The following PDXK variants were observed in gnomAD, a reference collection of about 807,000 sequenced individuals.
PDXK encodes epididymis secretory sperm binding protein Li 1a.
A neutral mutation model predicts 43.2 loss-of-function variants in PDXK; 15 were observed. The observed-to-expected ratio is 0.35, with a 90% CI of 0.23 to 0.53. The LOEUF is 0.53. PDXK is among the 20% of genes least tolerant of loss of function. The pLI is 0.92. For synonymous variants in PDXK, 172 were observed against 165.4 expected (o/e 1.04, Z -0.31); for missense variants, 343 against 417.0 (o/e 0.82, Z 1.54).
At chr21:43,747,774 C>A (rs2083663616) in intron 5 of PDXK, among the ~76,000 whole-genome samples, 1 of 152,244 alleles carries the variant, frequency 6.6e-6, no homozygotes, top group Non-Finnish European at 1.5e-5. Flanking sequence ...TTTTCCTGAA[C>A]AAGAGTGGCC....
intron 2 of PDXK, among the ~76,000 whole-genome samples, chr21:43,739,689 G>T (rs1471899080): frequency 6.6e-6 from 1 of 151,716 alleles, no homozygotes; most frequent in Non-Finnish European, 1.5e-5. Flanking sequence ...ATGACCTCCT[G>T]CCAGGTCCCT....
Position 43,734,227 on chromosome 21 carries a change from G to C in PDXK, c.142+104G>C. On this transcript the variant is annotated intron_variant, in intron 2 of 10. Coordinates refer to ENST00000291565, the MANE Select transcript of PDXK (RefSeq NM_003681.5). The surrounding 1 kb of genome is among the most constrained non-coding windows in gnomAD (Gnocchi z 5.0). ...GGGGCGGAGTGTGGGTGTGAGGGAC[G>C]GGGCTTTCGTGTGGACGGGGACCTG... The C allele has an allele frequency of 3.7e-6, 4 of 1,095,142 alleles. No homozygotes were observed. The South Asian group carries it at 5.0e-5, about 14-fold the overall frequency. The allele number at this position is 1,095,142 out of a possible 1,614,324, so 67.8% of individuals were successfully genotyped here.
intron 1 of PDXK, among the ~76,000 whole-genome samples, chr21:43,727,209 G>A (rs1226553992): frequency 6.6e-6 from 1 of 152,228 alleles, no homozygotes; most frequent in South Asian, 2.1e-4. Flanking sequence ...CCCACACAGA[G>A]CTTTTGAAAT....
intron 2 of PDXK, 44 bp from the exon 3 acceptor site, chr21:43,741,623 T>G (rs373508787): frequency 1.3e-6 from 2 of 1,597,470 alleles, no homozygotes; most frequent in Non-Finnish European, 1.7e-6. Context: ...CGGCCCCAGC[T>G]GGCCCCCTTG....
Position 43,734,132 on chromosome 21 carries a change from T to C in PDXK, c.142+9T>C. 6.2e-7 allele frequency: 1 copy of C among 1,613,396 alleles called. No individual in the cohort carries two copies. The highest frequency in any genetic ancestry group is 8.5e-7 in the Non-Finnish European group (1 of 1,179,448). ...GTTTTCAAACCACACAGGTAAGGCG[T>C]TGGCTCCAGCAGCTGGCATAGAGCA... On this transcript the variant is annotated intron_variant, in intron 2 of 10. Coordinates refer to ENST00000291565, the MANE Select transcript of PDXK (RefSeq NM_003681.5). This position sits in a 1 kb window ranked among gnomAD's most constrained non-coding sequence, Gnocchi z 5.0.
rs577459647 is a variant in PDXK at position 43,732,907 on chromosome 21, C to T, written c.88-1162C>T. Among the ~76,000 whole-genome samples, 21 of 152,112 alleles carry T rather than the reference C, an allele frequency of 1.4e-4. No individual in the cohort carries two copies. The South Asian group carries it at 1.7e-3, about 12-fold the overall frequency. ...GACTACAGACATGTGCCACCACGCC[C>T]GGCTAATTTCTGTATTTTTTGTAGA... On this transcript the variant is annotated intron_variant, in intron 1 of 10. Coordinates refer to ENST00000291565, the MANE Select transcript of PDXK (RefSeq NM_003681.5). This position sits in a 1 kb window ranked among gnomAD's most constrained non-coding sequence, Gnocchi z 4.1.
At chr21:43,728,473 G>C (rs1324321213) in intron 1 of PDXK, among the ~76,000 whole-genome samples, 1 of 152,180 alleles carries the variant, frequency 6.6e-6, no homozygotes, top group Non-Finnish European at 1.5e-5. Flanking sequence ...GGGTGGTCAG[G>C]CTGGGGTGGA....
chr21:43,735,658 C>A lies in PDXK; in HGVS notation c.142+1535C>A, dbSNP rs944995633. 1.3e-5 allele frequency among the ~76,000 whole-genome samples: 2 copies of A among 152,232 alleles called. No homozygotes were observed. The highest frequency in any genetic ancestry group is 1.3e-4 in the Admixed American group (2 of 15,306). On this transcript the variant is annotated intron_variant, in intron 2 of 10. Transcript: ENST00000291565. The surrounding 1 kb of genome is among the most constrained non-coding windows in gnomAD (Gnocchi z 5.3). ...CCCCACTCCAGCCTCCTCCAGATGCCATGGGGGGCCTGCTGGTTTAGGACC... is the reference window on the plus strand; with the variant it reads ...CCCCACTCCAGCCTCCTCCAGATGCAATGGGGGGCCTGCTGGTTTAGGACC...
chr21:43,724,840 CAA>C (rs553153040), intron 1 of PDXK, among the ~76,000 whole-genome samples: 20 of 111,284 alleles, frequency 1.8e-4, no homozygotes, highest in Non-Finnish European at 1.1e-4. Context: ...GACCCTGTCT[CAA>C]AAAAAAAAAA....
intron 1 of PDXK, among the ~76,000 whole-genome samples, chr21:43,726,012 T>TTC (rs60147387): frequency 0.32 from 47,821 of 147,706 alleles, 7,774 homozygotes; most frequent in Middle Eastern, 0.4. Flanking sequence ...CTAGCTGGGA[T>TTC]TCTCTCTCTC....
chr21:43,741,643 C>T (rs1264024284), intron 2 of PDXK, 24 bp from the exon 3 acceptor site: 1 of 1,603,756 alleles, frequency 6.2e-7, no homozygotes, highest in Admixed American at 1.7e-5. Context: ...GTGTCTGAGC[C>T]CCCATGGCTT....
intron 9 of PDXK, among the ~76,000 whole-genome samples, chr21:43,755,006 A>G (rs1324265951): frequency 1.3e-5 from 2 of 152,182 alleles, no homozygotes; most frequent in African/African-American, 2.4e-5. Flanking sequence ...AAACAGGGCC[A>G]TTAAGTAAGC....
rs1043527696 is a variant in PDXK, at chr21:43,754,659, CT to C, written c.759+943del. ...GGTGGGAGGGAGGGGCCTGCCATCC[CT>C]TTGGAATGTGGGGCAGGGCAGGGGT... On this transcript the variant is annotated intron_variant, in intron 9 of 10. Coordinates refer to ENST00000291565, the MANE Select transcript of PDXK (RefSeq NM_003681.5). The surrounding 1 kb of genome is among the most constrained non-coding windows in gnomAD (Gnocchi z 5.5). Among the ~76,000 whole-genome samples, 1 of 152,146 alleles carries C rather than the reference CT, an allele frequency of 6.6e-6. No individual in the cohort carries two copies. Among genetic ancestry groups the C allele is most frequent in the African/African-American group, 2.4e-5 (1 of 41,436 alleles).
intron 5 of PDXK, chr21:43,748,329 T>C (rs1326554267): frequency 6.6e-6 from 1 of 151,884 alleles, no homozygotes; most frequent in Non-Finnish European, 1.5e-5. Flanking sequence ...CCGTCTCTAC[T>C]AAAAAAAATT....
At position 43,735,092 on chromosome 21, in the gene PDXK, G is replaced by A. The variant is rs2083381273; in HGVS notation, c.142+969G>A. Reference sequence around the variant, plus strand: ...AGACGGACAGGCTCCAGCTCTTGGCGGTGCAGATGGACAAGCTCCAGCTCT... The same window carrying A: ...AGACGGACAGGCTCCAGCTCTTGGCAGTGCAGATGGACAAGCTCCAGCTCT... On this transcript the variant is annotated intron_variant, in intron 2 of 10. Coordinates refer to ENST00000291565, the MANE Select transcript of PDXK (RefSeq NM_003681.5). This position sits in a 1 kb window ranked among gnomAD's most constrained non-coding sequence, Gnocchi z 5.3. Among the ~76,000 whole-genome samples the A allele has an allele frequency of 1.3e-5, 2 of 152,330 alleles. No homozygotes were observed. The highest frequency in any genetic ancestry group is 4.1e-4 in the South Asian group (2 of 4,826).
Position 43,741,778 on chromosome 21 carries a change from G to A in PDXK, c.247+7G>A, listed in dbSNP as rs765944787. 2 of 1,574,168 alleles carry A rather than the reference G, an allele frequency of 1.3e-6. No homozygotes were observed. The highest frequency in any genetic ancestry group is 2.2e-5 in the East Asian group (1 of 44,666). ...TATGACTACGTGCTCACAGGTAGGTGCCGGAGCAAGCTGCCGCAGGGGACT... is the reference window on the plus strand; with the variant it reads ...TATGACTACGTGCTCACAGGTAGGTACCGGAGCAAGCTGCCGCAGGGGACT... On this transcript the variant is annotated splice_region_variant and intron_variant, in intron 3 of 10. Transcript: ENST00000291565.
intron 3 of PDXK, among the ~76,000 whole-genome samples, chr21:43,742,033 G>T (rs80267445): frequency 0.18 from 27,417 of 152,108 alleles, 3,049 homozygotes; most frequent in Non-Finnish European, 0.26. Flanking sequence ...CAGTGCCCAG[G>T]GGAGGGTGCA....
intron 1 of PDXK, among the ~76,000 whole-genome samples, chr21:43,731,422 G>A (rs368562368): frequency 6.6e-6 from 1 of 152,188 alleles, no homozygotes; most frequent in African/African-American, 2.4e-5. Context: ...GAGGGTGAGC[G>A]GGGTCCCTGA....
intron 4 of PDXK, among the ~76,000 whole-genome samples, chr21:43,744,256 C>T (rs2083598636): frequency 6.6e-6 from 1 of 152,122 alleles, no homozygotes; most frequent in African/African-American, 2.4e-5. Flanking sequence ...CCAGGCTGGG[C>T]CCGCTAGGGA....
Sources: allele counts gnomAD v4.1 joint callset (sites outside exome capture counted in the v4.1 genomes callset), GRCh38; gene constraint gnomAD v4.1.1; non-coding constraint Gnocchi (gnomAD v3.1); transcripts MANE v1.5; gene names NCBI Gene and HGNC (gene_info 2026-07-23, HGNC 2026-07-21).